The following RALGAPA2 variants were observed in gnomAD, a reference collection of about 807,000 sequenced individuals.
RALGAPA2 encodes the protein Ral GTPase activating protein catalytic subunit alpha 2, also known as ral GTPase-activating protein subunit alpha-2.
RALGAPA2 carries 139 observed loss-of-function variants against 230.4 expected under a neutral mutation model. The ratio of observed to expected loss-of-function variants is 0.60; its 90% confidence interval spans 0.53 to 0.69. The LOEUF is 0.69. RALGAPA2 is among the 30% of genes least tolerant of loss of function. The probability of loss-of-function intolerance (pLI) is 0.00; values close to 1 mark genes in which losing one functional copy is unlikely to be tolerated. For synonymous variants in RALGAPA2, 847 were observed against 837.8 expected (o/e 1.01, Z -0.19); for missense variants, 2,163 against 2,276.0 (o/e 0.95, Z 1.01).
chr20:20,598,686 C>G (rs1740214122), intron 16 of RALGAPA2: 1 of 455,864 alleles, frequency 2.2e-6, no homozygotes, highest in Non-Finnish European at 4.4e-6. Flanking sequence ...TACCTGACAG[C>G]CTGTGAGAGC....
chr20:20,513,647 CAGGCCA>C (rs200593304), intron 31 of RALGAPA2, among the ~76,000 whole-genome samples: 1,830 of 152,236 alleles, frequency 0.012, 15 homozygotes, highest in Non-Finnish European at 0.019. Flanking sequence ...CCAAGCAACC[CAGGCCA>C]AGGCAGAGAA....
chr20:20,436,679 C>A (rs997019708), intron 37 of RALGAPA2, among the ~76,000 whole-genome samples: 2 of 152,226 alleles, frequency 1.3e-5, no homozygotes, highest in Admixed American at 6.5e-5. Context: ...ACTGTCGTCT[C>A]TGCTGCCATA....
At chr20:20,531,843 T>A in intron 26 of RALGAPA2, 48 bp from the exon 27 acceptor site, 1 of 1,352,734 alleles carries the variant, frequency 7.4e-7, no homozygotes, top group Non-Finnish European at 1.0e-6. Context: ...AAACTTAATA[T>A]ACTTTCTCAG....
At chr20:20,516,251 C>T (rs2062867145) in intron 31 of RALGAPA2, among the ~76,000 whole-genome samples, 1 of 152,206 alleles carries the variant, frequency 6.6e-6, no homozygotes, top group East Asian at 1.9e-4. Flanking sequence ...CCTGCACCCA[C>T]CCTGGTAGCT....
intron 37 of RALGAPA2, among the ~76,000 whole-genome samples, chr20:20,421,709 G>C (rs1035185802): frequency 2.0e-5 from 3 of 152,046 alleles, no homozygotes; most frequent in Non-Finnish European, 4.4e-5. Flanking sequence ...ACAAAGTGCA[G>C]CCACTGTGGA....
chr20:20,601,139 GA>G (rs1386654922), intron 16 of RALGAPA2, among the ~76,000 whole-genome samples: 2 of 151,918 alleles, frequency 1.3e-5, no homozygotes, highest in African/African-American at 4.8e-5. Flanking sequence ...GAAAAGAAAA[GA>G]AAAAAAGAGT....
chr20:20,642,235 G>A (rs1451508908), intron 5 of RALGAPA2, among the ~76,000 whole-genome samples: 1 of 151,080 alleles, frequency 6.6e-6, no homozygotes, highest in Non-Finnish European at 1.5e-5. Flanking sequence ...TCGGGGGATG[G>A]AGTTTCACTC....
intron 16 of RALGAPA2, among the ~76,000 whole-genome samples, chr20:20,597,977 G>C (rs995466163): frequency 2.6e-5 from 4 of 152,112 alleles, no homozygotes; most frequent in African/African-American, 4.8e-5. Context: ...AAAATAAATA[G>C]ACATAGGCCT....
intron 3 of RALGAPA2, among the ~76,000 whole-genome samples, chr20:20,669,793 A>G (rs1047700117): frequency 3.3e-5 from 5 of 152,148 alleles, no homozygotes; most frequent in African/African-American, 4.8e-5. Context: ...TTCCTTCATA[A>G]CAATCATTTT....
At chr20:20,636,539 CGTGTGT>C (rs10534892) in intron 8 of RALGAPA2, among the ~76,000 whole-genome samples, 7 of 149,886 alleles carry the variant, frequency 4.7e-5, no homozygotes, top group Non-Finnish European at 7.4e-5. Context: ...CTTCTCTCCC[CGTGTGT>C]GTGTGTGTGT....
At chr20:20,689,394 A>G (rs1479381760) in intron 1 of RALGAPA2, among the ~76,000 whole-genome samples, 1 of 152,284 alleles carries the variant, frequency 6.6e-6, no homozygotes, top group Non-Finnish European at 1.5e-5. Context: ...CTGTAATCCC[A>G]GCACTTTGGG....
intron 3 of RALGAPA2, among the ~76,000 whole-genome samples, chr20:20,668,110 C>T (rs190412167): frequency 5.2e-4 from 79 of 152,286 alleles, no homozygotes; most frequent in Non-Finnish European, 9.8e-4. Flanking sequence ...GTCTTTCAAA[C>T]GATGAGATAC....
chr20:20,393,463 T>C (rs552363361), intron 39 of RALGAPA2, among the ~76,000 whole-genome samples: 15 of 152,356 alleles, frequency 9.8e-5, no homozygotes, highest in African/African-American at 3.6e-4. Flanking sequence ...TGGGCTTTTC[T>C]GCAGCATAAA....
At chr20:20,497,096 C>T (rs1326636236) in intron 35 of RALGAPA2, among the ~76,000 whole-genome samples, 2 of 152,118 alleles carry the variant, frequency 1.3e-5, no homozygotes, top group African/African-American at 4.8e-5. Flanking sequence ...AAAAGAATAG[C>T]AGGCAAAATG....
chr20:20,475,248 T>C (rs2061625425), intron 36 of RALGAPA2, among the ~76,000 whole-genome samples: 1 of 152,118 alleles, frequency 6.6e-6, no homozygotes, highest in Non-Finnish European at 1.5e-5. Context: ...TCTCTGCCCA[T>C]AAAGAGCTGA....
Position 20,635,614 on chromosome 20 carries a change from A to G in RALGAPA2, c.809T>C (p.Ile270Thr), listed in dbSNP as rs1348560676. The G allele has an allele frequency of 2.0e-6, 3 of 1,536,394 alleles. No homozygotes were observed. The highest frequency in any genetic ancestry group is 2.6e-6 in the Non-Finnish European group (3 of 1,144,784). The change falls in exon 9 of 40, where the codon ATC becomes ACC. Residue 270 changes from isoleucine (I) to threonine (T), a missense_variant. Transcript: ENST00000202677. ...LTNIYKPVLD[I>T]PHLRPKPVYI... ...CACAGGCTTTGGTCTCAAATGGGGG[A>G]TGTCTGGTAGAAGAAAGAACACATG...
rs906819959 is a variant in RALGAPA2, at chr20:20,391,564, C to A, written c.*1725G>T. 6.6e-6 allele frequency: 1 copy of A among 152,226 alleles called. No individual in the cohort carries two copies. Among genetic ancestry groups the A allele is most frequent in the Non-Finnish European group, 1.5e-5 (1 of 68,048 alleles). 9.4% of individuals were successfully genotyped at this position (152,226 alleles called of 1,614,324 possible). On this transcript the variant is annotated 3_prime_UTR_variant, in exon 40 of 40. Coordinates refer to ENST00000202677, the MANE Select transcript of RALGAPA2 (RefSeq NM_020343.4). ...TCCGACAGGAACGACTGGCTCAGCT[C>A]TTTCTCATTTGTCCCAAGAGTGAGT...
In RALGAPA2 at chr20:20,591,263, T is replaced by C. The variant is rs961340072; in HGVS notation, c.2255A>G (p.His752Arg). Residue 752 changes from histidine (H) to arginine (R), a missense_variant, in exon 17 of 40, where the codon CAT (histidine) becomes CGT (arginine). His to Arg is a conservative substitution (Grantham distance 29, BLOSUM62 0). Transcript: ENST00000202677. ...CTGCTGCTGCTGTCCCACTGTGAGA[T>C]GGCCAGATCCGGCTGCAGGTGCATT... Reference protein sequence around the residue: ...SENAPAAGSGHLTVGQQQQVL... With the variant: ...SENAPAAGSGRLTVGQQQQVL... 1.9e-6 allele frequency: 3 copies of C among 1,613,908 alleles called. No homozygotes were observed. Among genetic ancestry groups the C allele is most frequent in the Non-Finnish European group, 2.5e-6 (3 of 1,179,832 alleles).
Position 20,697,429 on chromosome 20 carries a change from A to G in RALGAPA2, c.106+14946T>C, listed in dbSNP as rs149045555. On this transcript the variant is annotated intron_variant, in intron 1 of 39. Coordinates refer to ENST00000202677, the MANE Select transcript of RALGAPA2 (RefSeq NM_020343.4). ...ACAGAATGTCATCTAAGGTTTGCTC[A>G]ATGTTTTATGATTATTAGCACAAAA... 4.4e-3 allele frequency among the ~76,000 whole-genome samples: 676 copies of G among 152,342 alleles called. 4 individuals are homozygous for G. The highest frequency in any genetic ancestry group is 7.2e-3 in the Non-Finnish European group (487 of 68,018).
Sources: allele counts gnomAD v4.1 joint callset (sites outside exome capture counted in the v4.1 genomes callset), GRCh38; gene constraint gnomAD v4.1.1; transcripts MANE v1.5; gene names NCBI Gene and HGNC (gene_info 2026-07-23, HGNC 2026-07-21).